Variants in DNAH17 observed in about 807,000 individuals in gnomAD.
DNAH17 encodes the protein axonemal beta dynein heavy chain 17.
A neutral mutation model predicts 485.6 loss-of-function variants in DNAH17; 376 were observed. That is an observed-to-expected ratio of 0.77 (90% CI 0.71 to 0.84). The LOEUF (loss-of-function observed/expected upper bound fraction) is 0.84, where lower values mean the gene tolerates loss of function less well. Among genes scored for constraint, DNAH17 ranks in the 40% least tolerant of loss-of-function variants. The probability of loss-of-function intolerance (pLI) is 0.00; values close to 1 mark genes in which losing one functional copy is unlikely to be tolerated. For missense variants in DNAH17, 6,370 were observed against 5,839.3 expected, an observed-to-expected ratio of 1.09 and a Z score of -2.96; for synonymous variants, 3,031 against 2,405.9, an observed-to-expected ratio of 1.26 and a Z score of -7.60.
At chr17:78,559,552 G>A (rs1347192919) in intron 13 of DNAH17, among the ~76,000 whole-genome samples, 2 of 152,224 alleles carry the variant, frequency 1.3e-5, no homozygotes, top group Non-Finnish European at 2.9e-5. Context: ...CCTCCCAGCT[G>A]TCATCTCTTG....
rs200864487 is a variant in DNAH17 at position 78,502,563 on chromosome 17, C to T, written c.5190+28G>A. The T allele has an allele frequency of 1.5e-3, 2,440 of 1,590,740 alleles. 8 individuals are homozygous for T. The highest frequency in any genetic ancestry group is 1.9e-3 in the Non-Finnish European group (2,195 of 1,167,600). Reference sequence around the variant, plus strand: ...CTGCTTTTTAAACAAGTTTTAAAAACGTAACTAACTACACACTAGTAACAC... The same window carrying T: ...CTGCTTTTTAAACAAGTTTTAAAAATGTAACTAACTACACACTAGTAACAC... On this transcript the variant is annotated intron_variant, in intron 33 of 80. Coordinates refer to ENST00000389840, the MANE Select transcript of DNAH17 (RefSeq NM_173628.4).
intron 18 of DNAH17, among the ~76,000 whole-genome samples, chr17:78,539,226 T>C (rs938199405): frequency 6.6e-6 from 1 of 151,662 alleles, no homozygotes; most frequent in African/African-American, 2.4e-5. Context: ...CGGGACTCTG[T>C]CTCAAAAAAA....
At chr17:78,517,231 A>G (rs928970773) in intron 25 of DNAH17, among the ~76,000 whole-genome samples, 1 of 152,134 alleles carries the variant, frequency 6.6e-6, no homozygotes, top group Non-Finnish European at 1.5e-5. Context: ...TTTAGTAGAG[A>G]TGGGGTTTTG....
At chr17:78,515,193 C>T (rs773246845) in intron 25 of DNAH17, among the ~76,000 whole-genome samples, 171 bp from the exon 26 acceptor site, 9 of 152,134 alleles carry the variant, frequency 5.9e-5, no homozygotes, top group Non-Finnish European at 8.8e-5. Flanking sequence ...ACAACCGTGG[C>T]GTCACAAAAG....
intron 31 of DNAH17, among the ~76,000 whole-genome samples, chr17:78,504,271 G>A (rs977820236): frequency 6.6e-6 from 1 of 152,018 alleles, no homozygotes; most frequent in Non-Finnish European, 1.5e-5. Context: ...CGCCGTGTTA[G>A]CCAGGCTGGT....
chr17:78,441,563 T>C (rs1179678760), intron 71 of DNAH17, among the ~76,000 whole-genome samples: 3 of 151,926 alleles, frequency 2.0e-5, no homozygotes, highest in Admixed American at 6.6e-5. Flanking sequence ...CCTAAAAAAG[T>C]CAAAGAAAAA....
intron 65 of DNAH17, among the ~76,000 whole-genome samples, chr17:78,452,372 G>A (rs568632573): frequency 8.5e-5 from 13 of 152,290 alleles, no homozygotes; most frequent in African/African-American, 3.1e-4. Context: ...CCGGCCACAC[G>A]TGGAAAATGA....
chr17:78,479,381 A>C, intron 50 of DNAH17, 104 bp downstream of exon 50: 1 of 1,340,194 alleles, frequency 7.5e-7, no homozygotes, highest in Non-Finnish European at 9.9e-7. Flanking sequence ...ATATTGATTT[A>C]GAATTATAAA....
Position 78,468,784 on chromosome 17 carries a change from G to A in DNAH17, c.8611C>T (p.Leu2871=), listed in dbSNP as rs371717319. Reference sequence around the variant, plus strand: ...CCTGAGGCCAGCAGGTCATTGATCAGCACCAGAAACTGCTCCTCGGCCACC... The same window carrying A: ...CCTGAGGCCAGCAGGTCATTGATCAACACCAGAAACTGCTCCTCGGCCACC... ...SQVAEEQFLV[L]INDLLASGEI... The change falls in exon 55 of 81, where the codon CTG becomes TTG. Residue 2871 remains leucine (L), a synonymous_variant. Coordinates refer to ENST00000389840, the MANE Select transcript of DNAH17 (RefSeq NM_173628.4). 5 of 1,613,914 alleles carry A rather than the reference G, an allele frequency of 3.1e-6. No homozygotes were observed. In the African/African-American group the frequency reaches 6.7e-5, roughly 22 times the overall value.
At chr17:78,565,754 G>C (rs2092253779) in intron 11 of DNAH17, among the ~76,000 whole-genome samples, 2 of 152,158 alleles carry the variant, frequency 1.3e-5, no homozygotes, top group South Asian at 2.1e-4. Flanking sequence ...AGGAGTTCGA[G>C]ACCAGCCCAA....
intron 54 of DNAH17, among the ~76,000 whole-genome samples, chr17:78,474,671 C>G (rs1484981501): frequency 1.3e-5 from 2 of 148,290 alleles, no homozygotes; most frequent in African/African-American, 2.5e-5. Context: ...CAGACACACT[C>G]TTCACCTCAG....
chr17:78,472,147 C>T (rs1300733396), intron 54 of DNAH17, among the ~76,000 whole-genome samples: 1 of 152,240 alleles, frequency 6.6e-6, no homozygotes, highest in Non-Finnish European at 1.5e-5. Flanking sequence ...GCAGCAGTGC[C>T]TTTCCTTGCC....
chr17:78,539,824 G>C lies in DNAH17; in HGVS notation c.2589C>G (p.Val863=), dbSNP rs752977596. 2 of 1,611,760 alleles carry C rather than the reference G, an allele frequency of 1.2e-6. No individual in the cohort carries two copies. The highest frequency in any genetic ancestry group is 2.2e-5 in the South Asian group (2 of 90,790). The change falls in exon 18 of 81, where the codon GTC becomes GTG. Residue 863 remains valine, a synonymous_variant. Transcript: ENST00000389840. ...DTLSLPWKDY[V]IYIDDMVLDE... ...CTAAGACCATGTCGTCAATGTAGAT[G>C]ACATAATCCTTCCAGGGCAGGCTCA...
At chr17:78,450,524 A>C (rs1330103491) in intron 67 of DNAH17, 130 bp from the exon 68 acceptor site, 4 of 1,437,368 alleles carry the variant, frequency 2.8e-6, no homozygotes, top group Non-Finnish European at 3.8e-6. Flanking sequence ...AGCTGGGTGC[A>C]GGATGGGAGC....
At position 78,507,696 on chromosome 17, in the gene DNAH17, A is replaced by T; in HGVS notation, c.4346T>A (p.Leu1449Gln). ...CTGCAGCTGCACCTGGTTGTCCTCC[A>T]GCGTCTCCACCAGCACCTCGCTGGA... ...LKSSEVLVET[L>Q]EDNQVQLQNL... Residue 1449 changes from leucine (L) to glutamine (Q), a missense_variant, in exon 28 of 81, where the codon CTG becomes CAG. Transcript: ENST00000389840. 1.9e-6 allele frequency: 3 copies of T among 1,610,942 alleles called. No homozygotes were observed. The highest frequency in any genetic ancestry group is 2.7e-5 in the African/African-American group (2 of 75,048).
At chr17:78,566,946 G>T in intron 10 of DNAH17, 53 bp downstream of exon 10, 1 of 1,557,136 alleles carries the variant, frequency 6.4e-7, no homozygotes, top group Non-Finnish European at 8.7e-7. Context: ...TGGTACCGAG[G>T]CTGGTGCTGT....
Position 78,468,703 on chromosome 17 carries a change from G to T in DNAH17, c.8692C>A (p.Arg2898=), listed in dbSNP as rs762997608. Residue 2898 remains arginine (R), a synonymous_variant, in exon 55 of 81, where the codon CGA becomes AGA. Coordinates refer to ENST00000389840, the MANE Select transcript of DNAH17 (RefSeq NM_173628.4). ...DEVENIISSM[R]PQVKSLGMND... The stretch of plus-strand genomic sequence containing the variant: ...ATGCCAAGGGACTTGACTTGGGGTC[G>T]CATGGAGGAGATGATGTTCTCCACC... The T allele has an allele frequency of 6.2e-7, 1 of 1,613,870 alleles. No individual in the cohort carries two copies. Among genetic ancestry groups the T allele is most frequent in the Non-Finnish European group, 8.5e-7 (1 of 1,179,892 alleles).
In DNAH17 at chr17:78,553,445, G is replaced by T. The variant is rs919179073; in HGVS notation, c.2179-640C>A. On this transcript the variant is annotated intron_variant, in intron 14 of 80. Coordinates refer to ENST00000389840, the MANE Select transcript of DNAH17 (RefSeq NM_173628.4). The stretch of plus-strand genomic sequence containing the variant: ...GCCTCCCCAGTAGCTGGGACTATAG[G>T]CATGCGCCACCATGCCCAGCTAATT... 2.6e-5 allele frequency among the ~76,000 whole-genome samples: 4 copies of T among 151,988 alleles called. No individual in the cohort carries two copies. In the East Asian group the frequency reaches 7.8e-4, roughly 29 times the overall value.
chr17:78,479,200 G>T, intron 50 of DNAH17, 84 bp from the exon 51 acceptor site: 1 of 1,373,178 alleles, frequency 7.3e-7, no homozygotes, highest in South Asian at 1.3e-5. Context: ...AAAGCCAATG[G>T]ACTACGAAAT....
Sources: gnomAD v4.1 joint callset for allele counts (sites outside exome capture counted in the v4.1 genomes callset) on GRCh38, gnomAD v4.1.1 for gene constraint, MANE v1.5 for transcripts, NCBI Gene and HGNC (gene_info 2026-07-23, HGNC 2026-07-21) for gene names.